The following MAPK8 variants were observed in gnomAD, a reference collection of about 807,000 sequenced individuals.
MAPK8 encodes the protein mitogen-activated protein kinase 8.
In MAPK8, 13 loss-of-function variants were observed where a neutral mutation model predicts 52.9. That is an observed-to-expected ratio of 0.25 (90% confidence interval 0.16 to 0.39). The LOEUF is 0.39. MAPK8 is among the 10% of genes least tolerant of loss of function. The pLI, the probability that MAPK8 is intolerant of heterozygous loss-of-function variation, is 1.00. For missense variants in MAPK8, 300 were observed against 519.2 expected (o/e 0.58, Z 4.10); for synonymous variants, 191 against 169.8 (o/e 1.12, Z -0.97).
At chr10:48,368,050 A>G (rs1751949163) in intron 1 of MAPK8, among the ~76,000 whole-genome samples, 1 of 152,236 alleles carries the variant, frequency 6.6e-6, no homozygotes, top group African/African-American at 2.4e-5. Flanking sequence ...TTAAGAAATC[A>G]TTGAAATATT....
intron 1 of MAPK8, among the ~76,000 whole-genome samples, chr10:48,392,981 C>T (rs2041706037): frequency 6.6e-6 from 1 of 152,052 alleles, no homozygotes; most frequent in African/African-American, 2.4e-5. Flanking sequence ...CCATTTTGTT[C>T]TTTAAAACAC....
Position 48,325,542 on chromosome 10 carries a change from T to A in MAPK8, c.-50+18721T>A, listed in dbSNP as rs532432850. Among the ~76,000 whole-genome samples the A allele has an allele frequency of 4.6e-5, 7 of 152,334 alleles. No homozygotes were observed. The South Asian group carries it at 1.4e-3, about 32-fold the overall frequency. On this transcript the variant is annotated intron_variant, in intron 1 of 11. Transcript: ENST00000374189. ...AAAATAGTCTTCATTTGTAGAAGTT[T>A]TAGTTTTACAGAAAAATTGAGTATA... is the stretch of plus-strand genomic sequence containing the variant.
At chr10:48,310,167 T>C (rs560683617) in intron 1 of MAPK8, among the ~76,000 whole-genome samples, 84 of 152,330 alleles carry the variant, frequency 5.5e-4, no homozygotes, top group African/African-American at 2.0e-3. Context: ...ATCTGGACTT[T>C]GTCATCAAAT....
At chr10:48,365,790 T>C (rs560810705) in intron 1 of MAPK8, among the ~76,000 whole-genome samples, 2 of 152,300 alleles carry the variant, frequency 1.3e-5, no homozygotes, top group East Asian at 1.9e-4. Flanking sequence ...AGACAAACTT[T>C]AGGTTGTCAA....
chr10:48,308,296 T>C (rs1841600740), intron 1 of MAPK8: 1 of 152,206 alleles, frequency 6.6e-6, no homozygotes, highest in African/African-American at 2.4e-5. Context: ...ATAGTAAGTG[T>C]TCAATAAAAG....
At chr10:48,406,479 T>A (rs1281264625) in intron 3 of MAPK8, among the ~76,000 whole-genome samples, 1 of 152,154 alleles carries the variant, frequency 6.6e-6, no homozygotes, top group Non-Finnish European at 1.5e-5. Context: ...ACTAAGCATG[T>A]CTCACATGAT....
At chr10:48,330,706 A>G (rs1217107466) in intron 1 of MAPK8, among the ~76,000 whole-genome samples, 1 of 152,178 alleles carries the variant, frequency 6.6e-6, no homozygotes, top group Non-Finnish European at 1.5e-5. Flanking sequence ...TCTCTTCCCC[A>G]GTTCCTCACT....
chr10:48,374,868 C>T (rs1316651423), intron 1 of MAPK8, among the ~76,000 whole-genome samples: 2 of 152,102 alleles, frequency 1.3e-5, no homozygotes, highest in Admixed American at 6.6e-5. Context: ...AAAAGAGGGA[C>T]TCCTCTGTAA....
intron 3 of MAPK8, among the ~76,000 whole-genome samples, chr10:48,406,469 A>G (rs1484657524): frequency 1.3e-5 from 2 of 152,200 alleles, no homozygotes; most frequent in African/African-American, 4.8e-5. Context: ...ATGGAGTATG[A>G]CTAAGCATGT....
chr10:48,387,628 T>TA (rs1246518143), intron 1 of MAPK8, among the ~76,000 whole-genome samples: 1 of 152,166 alleles, frequency 6.6e-6, no homozygotes, highest in Non-Finnish European at 1.5e-5. Context: ...TCTTGACAGA[T>TA]AAAATGACAG....
intron 10 of MAPK8, among the ~76,000 whole-genome samples, chr10:48,428,278 T>G (rs940502918): frequency 6.6e-6 from 1 of 152,206 alleles, no homozygotes. Context: ...TCAGGTAATT[T>G]TTAGGTCCCG....
In MAPK8 at chr10:48,401,656, C is replaced by T; in HGVS notation, c.-5C>T. On this transcript the variant is annotated 5_prime_UTR_variant, in exon 2 of 12. Coordinates refer to ENST00000374189, the MANE Select transcript of MAPK8 (RefSeq NM_001323329.2). Reference sequence around the variant, plus strand: ...ATGAAGCCATTAAATTAATTGCTTGCCATCATGAGCAGAAGCAAGCGTGAC... The same window carrying T: ...ATGAAGCCATTAAATTAATTGCTTGTCATCATGAGCAGAAGCAAGCGTGAC... 6.2e-7 allele frequency: 1 copy of T among 1,609,360 alleles called. No homozygotes were observed. The highest frequency in any genetic ancestry group is 8.5e-7 in the Non-Finnish European group (1 of 1,178,206).
chr10:48,387,973 G>A (rs1564566934), intron 1 of MAPK8, among the ~76,000 whole-genome samples: 1 of 152,098 alleles, frequency 6.6e-6, no homozygotes, highest in African/African-American at 2.4e-5. Flanking sequence ...AAGCCAATAT[G>A]AAATCTTTTG....
chr10:48,377,231 G>T (rs2040721531), intron 1 of MAPK8, among the ~76,000 whole-genome samples: 1 of 152,042 alleles, frequency 6.6e-6, no homozygotes, highest in African/African-American at 2.4e-5. Flanking sequence ...TTGGGGGAGG[G>T]ATAGCATTAG....
chr10:48,407,284 T>C (rs1419443896), intron 3 of MAPK8, among the ~76,000 whole-genome samples: 1 of 152,258 alleles, frequency 6.6e-6, no homozygotes, highest in Non-Finnish European at 1.5e-5. Context: ...CTGTTTCCAA[T>C]TCATCATCTT....
intron 1 of MAPK8, among the ~76,000 whole-genome samples, chr10:48,331,627 T>A (rs949305569): frequency 6.6e-6 from 1 of 152,168 alleles, no homozygotes; most frequent in Non-Finnish European, 1.5e-5. Context: ...CAAATCTTAA[T>A]CAGCACCAAG....
At chr10:48,410,927 T>G (rs766265415) in intron 5 of MAPK8, among the ~76,000 whole-genome samples, 2 of 152,254 alleles carry the variant, frequency 1.3e-5, no homozygotes, top group Non-Finnish European at 2.9e-5. Context: ...TGTATCTTCT[T>G]TGGAGAAATG....
intron 3 of MAPK8, among the ~76,000 whole-genome samples, chr10:48,407,180 T>C (rs2042518350): frequency 6.6e-6 from 1 of 152,210 alleles, no homozygotes; most frequent in African/African-American, 2.4e-5. Context: ...CTTCCCAGTT[T>C]TGCTCAGGAT....
chr10:48,310,805 TG>T (rs1841912737), intron 1 of MAPK8, among the ~76,000 whole-genome samples: 1 of 152,046 alleles, frequency 6.6e-6, no homozygotes, highest in Admixed American at 6.6e-5. Context: ...GACCCCTTTT[TG>T]GAAAACTTAG....
Sources: allele counts gnomAD v4.1 joint callset (sites outside exome capture counted in the v4.1 genomes callset), GRCh38; gene constraint gnomAD v4.1.1; transcripts MANE v1.5; gene names NCBI Gene and HGNC (gene_info 2026-07-23, HGNC 2026-07-21).